Variants in PIK3C2B observed in about 807,000 individuals in gnomAD.
The protein encoded by PIK3C2B is phosphatidylinositol 4-phosphate 3-kinase C2 domain-containing subunit beta.
A neutral mutation model predicts 184.3 loss-of-function variants in PIK3C2B; 83 were observed. The observed-to-expected ratio is 0.45, with a 90% CI of 0.38 to 0.54. The LOEUF is 0.54. Ranked by LOEUF, PIK3C2B falls within the 20% of genes least tolerant of loss-of-function variation. PIK3C2B has a pLI of 0.00. For missense variants in PIK3C2B, 1,736 were observed against 2,113.5 expected, an observed-to-expected ratio of 0.82 and a Z score of 3.50; for synonymous variants, 779 against 837.6, an observed-to-expected ratio of 0.93 and a Z score of 1.21.
Position 204,469,681 on chromosome 1 carries a change from C to G in PIK3C2B, c.122G>C (p.Arg41Pro). 6.2e-7 allele frequency: 1 copy of G among 1,614,028 alleles called. No homozygotes were observed. The highest frequency in any genetic ancestry group is 8.5e-7 in the Non-Finnish European group (1 of 1,179,982). The part of the protein sequence containing the change: ...QMEYDALSRL[R>P]HDKEENRAKQ... Reference sequence around the variant, plus strand: ...GGCTCTGTTCTCCTCCTTGTCATGCCGGAGCCGGGACAGGGCATCATACTC... The same window carrying G: ...GGCTCTGTTCTCCTCCTTGTCATGCGGGAGCCGGGACAGGGCATCATACTC... Residue 41 changes from arginine to proline, a missense_variant, in exon 2 of 33, where the codon CGG becomes CCG. Arg to Pro is a moderately radical substitution (Grantham distance 103). Coordinates refer to ENST00000684373, the MANE Select transcript of PIK3C2B (RefSeq NM_001377334.1).
chr1:204,487,972 G>A (rs1657741685), intron 1 of PIK3C2B, among the ~76,000 whole-genome samples: 1 of 152,142 alleles, frequency 6.6e-6, no homozygotes, highest in East Asian at 1.9e-4. Context: ...AGAACCATGA[G>A]CTGTTGAGTC....
chr1:204,449,506 G>T (rs1475499422), intron 13 of PIK3C2B, among the ~76,000 whole-genome samples: 1 of 152,188 alleles, frequency 6.6e-6, no homozygotes, highest in Non-Finnish European at 1.5e-5. Flanking sequence ...CCACACCCTG[G>T]TCTGGATGAC....
At chr1:204,431,911 G>T in intron 27 of PIK3C2B, 118 bp from the exon 28 acceptor site, 1 of 1,137,464 alleles carries the variant, frequency 8.8e-7, no homozygotes, top group Non-Finnish European at 1.3e-6. Flanking sequence ...CCAGAAGGAA[G>T]AGAGCAAGAG....
chr1:204,465,169 C>CCCCCAACCCCCAAG, intron 3 of PIK3C2B, 50 bp downstream of exon 3: 1 of 760,066 alleles, frequency 1.3e-6, no homozygotes. Flanking sequence ...TGGCCCCCCT[C>CCCCCAACCCCCAAG]CCCATCCCCC....
chr1:204,443,589 T>C lies in PIK3C2B; in HGVS notation c.2876A>G (p.Lys959Arg). The C allele has an allele frequency of 6.2e-7, 1 of 1,614,096 alleles. No individual in the cohort carries two copies. The highest frequency in any genetic ancestry group is 8.5e-7 in the Non-Finnish European group (1 of 1,179,946). ...GAACTGAGAGTCCTTGAGGCCGTCC[T>C]TCAGTAACCTGCAAGGCAGAGGGAG... ...RVTHYFFWLL[K>R]DGLKDSQFSI... The change falls in exon 19 of 33, where the codon AAG becomes AGG. Residue 959 changes from lysine (K) to arginine (R), a missense_variant. This residue lies in a region of PIK3C2B where 289 missense variants were observed against 380.4 expected (regional missense o/e 0.76). Transcript: ENST00000684373.
rs776887482 is a variant in PIK3C2B at position 204,440,223 on chromosome 1, G to C, written c.3348C>G (p.Ile1116Met). 1 of 1,612,732 alleles carries C rather than the reference G, an allele frequency of 6.2e-7. No homozygotes were observed. The highest frequency in any genetic ancestry group is 8.5e-7 in the Non-Finnish European group (1 of 1,179,238). Residue 1116 changes from isoleucine to methionine, a missense_variant, in exon 22 of 33, where the codon ATC (isoleucine) becomes ATG (methionine). Ile to Met is a conservative substitution (Grantham distance 10). This residue lies in a region of PIK3C2B where 289 missense variants were observed against 380.4 expected (regional missense o/e 0.76). Transcript: ENST00000684373. ...VQEGLDMRMVIFRCFSTGRGR... is the reference protein window; with the variant it reads ...VQEGLDMRMVMFRCFSTGRGR... Reference sequence around the variant, plus strand: ...CCCGGCCGGTGGAGAAGCAGCGGAAGATGACCATGCGCATGTCCAGCCCCT... The same window carrying C: ...CCCGGCCGGTGGAGAAGCAGCGGAACATGACCATGCGCATGTCCAGCCCCT...
rs373236355 is a variant in PIK3C2B at position 204,469,556 on chromosome 1, C to T, written c.247G>A (p.Gly83Ser). 1.4e-5 allele frequency: 23 copies of T among 1,593,414 alleles called. No individual in the cohort carries two copies. The African/African-American group carries it at 1.7e-4, about 12-fold the overall frequency. Residue 83 changes from glycine (G) to serine (S), a missense_variant, in exon 2 of 33, where the codon GGT becomes AGT. Physicochemically the swap from Gly to Ser is moderately conservative, Grantham distance 56 (BLOSUM62 0). Transcript: ENST00000684373. ...AGGGTAGGATCAGAGCCAGAGAGAC[C>T]GCGTAACAGCTTGAGGTCGGTCCGC... is the stretch of plus-strand genomic sequence containing the variant. ...GRRTDLKLLR[G>S]LSGSDPTLNY...
In PIK3C2B at chr1:204,460,311, T is replaced by C; in HGVS notation, c.1502+13A>G. 6.2e-7 allele frequency: 1 copy of C among 1,604,004 alleles called. No homozygotes were observed. Among genetic ancestry groups the C allele is most frequent in the South Asian group, 1.1e-5 (1 of 90,852 alleles). Reference sequence around the variant, plus strand: ...CTTGTTTGGAGCACATCCAAGATGGTGCCCACACTCACCTGCTGATGGTCT... The same window carrying C: ...CTTGTTTGGAGCACATCCAAGATGGCGCCCACACTCACCTGCTGATGGTCT... On this transcript the variant is annotated intron_variant, in intron 7 of 32. Coordinates refer to ENST00000684373, the MANE Select transcript of PIK3C2B (RefSeq NM_001377334.1).
chr1:204,425,712 G>A lies in PIK3C2B; in HGVS notation c.4617C>T (p.Asp1539=), dbSNP rs2103461549. Residue 1539 remains aspartate (D), a synonymous_variant, in exon 32 of 33, where the codon GAC becomes GAT. Transcript: ENST00000684373. ...LQLLQDGNDP[D]PYVKIYLLPD... is the part of the protein sequence containing the mutation. ...GAAGGAGGTAAATTTTCACATAGGG[G>A]TCAGGGTCATTTCCATCCTGGAGCA... is the stretch of plus-strand genomic sequence containing the variant. 3.7e-6 allele frequency: 6 copies of A among 1,613,894 alleles called. No homozygotes were observed. The South Asian group carries it at 4.4e-5, about 12-fold the overall frequency.
intron 13 of PIK3C2B, among the ~76,000 whole-genome samples, chr1:204,449,628 T>A (rs1654179989): frequency 6.6e-6 from 1 of 152,120 alleles, no homozygotes; most frequent in Non-Finnish European, 1.5e-5. Flanking sequence ...TTTCCATGTA[T>A]CCTTAACATG....
intron 1 of PIK3C2B, among the ~76,000 whole-genome samples, chr1:204,474,211 G>C (rs954076116): frequency 6.6e-6 from 1 of 151,966 alleles, no homozygotes; most frequent in African/African-American, 2.4e-5. Flanking sequence ...GGCTAGTCGC[G>C]AACTCCCGAC....
chr1:204,476,295 G>C (rs1039515632), intron 1 of PIK3C2B, among the ~76,000 whole-genome samples: 11 of 152,160 alleles, frequency 7.2e-5, no homozygotes, highest in African/African-American at 2.7e-4. Context: ...CTAGGGCCAG[G>C]CGTGGTGGCT....
intron 1 of PIK3C2B, among the ~76,000 whole-genome samples, chr1:204,477,656 G>C (rs780699528): frequency 4.6e-5 from 7 of 152,232 alleles, no homozygotes; most frequent in African/African-American, 7.2e-5. Flanking sequence ...ACTGGAGCCA[G>C]TGGGTGGTGA....
At chr1:204,452,144 T>A (rs1654417140) in intron 12 of PIK3C2B, among the ~76,000 whole-genome samples, 2 of 152,128 alleles carry the variant, frequency 1.3e-5, no homozygotes, top group Non-Finnish European at 2.9e-5. Context: ...ACTGCCCCTT[T>A]AAAATTCAAG....
At chr1:204,456,194 C>A (rs559319170) in intron 10 of PIK3C2B, 143 bp from the exon 11 acceptor site, 4 of 545,718 alleles carry the variant, frequency 7.3e-6, no homozygotes, top group Non-Finnish European at 1.3e-5. Context: ...ACAAAGTTCA[C>A]CCATCTGCGG....
Position 204,424,581 on chromosome 1 carries a change from T to A in PIK3C2B, c.*271A>T. ...ACTCCCCAAACCAAGCATTGCTCCC[T>A]TGACACAAGGTAAACTTAAAACTTT... On this transcript the variant is annotated 3_prime_UTR_variant, in exon 33 of 33. Transcript: ENST00000684373. 2.0e-6 allele frequency: 1 copy of A among 496,316 alleles called. No homozygotes were observed. Among genetic ancestry groups the A allele is most frequent in the Non-Finnish European group, 3.8e-6 (1 of 261,674 alleles). The allele number at this position is 496,316 out of a possible 1,614,324, so 30.7% of individuals were successfully genotyped here. A position where few individuals can be genotyped will look rare whatever the true frequency, so the allele number is the denominator to read the frequency against.
Position 204,454,855 on chromosome 1 carries a change from GT to G in PIK3C2B, c.1944-65del, listed in dbSNP as rs1572341807. Reference sequence around the variant, plus strand: ...CAAAACCAATCACCCAAACCTATGCGTCCCTCTAAGGCCAAAATCCATTTCC... The same window carrying G: ...CAAAACCAATCACCCAAACCTATGCGCCCTCTAAGGCCAAAATCCATTTCC... On this transcript the variant is annotated intron_variant, in intron 11 of 32. Coordinates refer to ENST00000684373, the MANE Select transcript of PIK3C2B (RefSeq NM_001377334.1). The G allele has an allele frequency of 3.4e-5, 53 of 1,550,362 alleles. No individual in the cohort carries two copies. The East Asian group carries it at 1.2e-3, about 34-fold the overall frequency.
intron 9 of PIK3C2B, 126 bp downstream of exon 9, chr1:204,457,602 A>T (rs1271913191): frequency 1.2e-6 from 1 of 861,192 alleles, no homozygotes; most frequent in African/African-American, 1.8e-5. Context: ...TTAAACATAA[A>T]AGATGGAGGT....
chr1:204,472,003 T>C (rs919773723), intron 1 of PIK3C2B, among the ~76,000 whole-genome samples: 2 of 152,018 alleles, frequency 1.3e-5, no homozygotes, highest in African/African-American at 4.8e-5. Flanking sequence ...CCACACTGGA[T>C]CTCCAGGCCA....
Sources: allele counts gnomAD v4.1 joint callset (sites outside exome capture counted in the v4.1 genomes callset), GRCh38; gene constraint gnomAD v4.1.1; regional missense constraint gnomAD v4.1.1; transcripts MANE v1.5; gene names NCBI Gene and HGNC (gene_info 2026-07-23, HGNC 2026-07-21).